ABCA10: variants seen among roughly 807,000 people sequenced by gnomAD.
The protein encoded by ABCA10 is ATP-binding cassette sub-family A member 10.
In ABCA10, 169 loss-of-function variants were observed where a neutral mutation model predicts 187.5. The ratio of observed to expected loss-of-function variants is 0.90; its 90% CI spans 0.80 to 1.02. The LOEUF is 1.02. Ranked by LOEUF, ABCA10 falls within the 50% of genes least tolerant of loss-of-function variation. The probability of loss-of-function intolerance (pLI) is 0.00; values close to 1 mark genes in which losing one functional copy is unlikely to be tolerated. For synonymous variants in ABCA10, 574 were observed against 601.8 expected, an observed-to-expected ratio of 0.95 and a Z score of 0.68; for missense variants, 1,727 against 1,812.4, an observed-to-expected ratio of 0.95 and a Z score of 0.86.
intron 18 of ABCA10, among the ~76,000 whole-genome samples, chr17:69,189,641 T>G (rs941450628): frequency 6.6e-6 from 1 of 152,184 alleles, no homozygotes; most frequent in African/African-American, 2.4e-5. Flanking sequence ...CTTCTCAGGT[T>G]TTTATAGTCT....
intron 1 of ABCA10, chr17:69,234,960 T>C (rs1450812706): frequency 1.3e-5 from 2 of 152,226 alleles, no homozygotes; most frequent in Non-Finnish European, 2.9e-5. Flanking sequence ...GAATTATCAA[T>C]TAAATTCTTA....
intron 3 of ABCA10, chr17:69,223,839 A>G (rs1279660096): frequency 1.1e-5 from 3 of 266,618 alleles, no homozygotes. Flanking sequence ...GGTAGCTGGA[A>G]TGAGATATTT....
chr17:69,218,467 G>A (rs1030093397), intron 6 of ABCA10, among the ~76,000 whole-genome samples: 66 of 151,704 alleles, frequency 4.4e-4, no homozygotes, highest in African/African-American at 1.5e-3. Context: ...CCTAGAACAC[G>A]GTAAAGTACT....
chr17:69,233,108 C>T (rs1232674849), upstream of ABCA10: 1 of 152,086 alleles, frequency 6.6e-6, no homozygotes, highest in Non-Finnish European at 1.5e-5. Flanking sequence ...ATATCTTTCT[C>T]CAGGTTTGGA....
At chr17:69,173,091 A>G (rs1323986915) in intron 25 of ABCA10, among the ~76,000 whole-genome samples, 2 of 152,216 alleles carry the variant, frequency 1.3e-5, no homozygotes, top group Admixed American at 1.3e-4. Flanking sequence ...GGATTAAATT[A>G]AAAAGTGAAA....
chr17:69,197,655 T>C (rs921835627), intron 10 of ABCA10, among the ~76,000 whole-genome samples: 2 of 152,238 alleles, frequency 1.3e-5, no homozygotes, highest in Admixed American at 1.3e-4. Context: ...TTTTAGTCCT[T>C]ATTTGATATA....
intron 1 of ABCA10, among the ~76,000 whole-genome samples, chr17:69,239,425 A>T (rs1205097773): frequency 6.6e-6 from 1 of 152,194 alleles, no homozygotes; most frequent in African/African-American, 2.4e-5. Flanking sequence ...AAGAAATCAG[A>T]TCAGGGGCCT....
At chr17:69,232,063 C>CT (rs377523968), upstream of ABCA10, among the ~76,000 whole-genome samples, 145 of 151,886 alleles carry the variant, frequency 9.5e-4, 2 homozygotes, top group African/African-American at 3.3e-3. Context: ...TACTCCTACT[C>CT]TTTTTTTTGT....
intron 5 of ABCA10, among the ~76,000 whole-genome samples, chr17:69,221,586 T>C (rs10775358): frequency 0.74 from 112,495 of 152,040 alleles, 42,060 homozygotes; most frequent in African/African-American, 0.81. Flanking sequence ...AAAGAGAATG[T>C]GTGTAGGGGG....
chr17:69,241,281 T>C (rs1182117876), intron 1 of ABCA10, among the ~76,000 whole-genome samples: 2 of 152,208 alleles, frequency 1.3e-5, no homozygotes, highest in Admixed American at 1.3e-4. Context: ...ACCTTCTCAA[T>C]ATTCAGAATT....
intron 9 of ABCA10, among the ~76,000 whole-genome samples, chr17:69,204,687 A>G (rs1327812951): frequency 2.0e-5 from 3 of 152,258 alleles, no homozygotes; most frequent in African/African-American, 7.2e-5. Context: ...GTTACATTTT[A>G]AATGGATAAG....
intron 3 of ABCA10, among the ~76,000 whole-genome samples, chr17:69,224,350 T>C (rs772045090): frequency 2.6e-5 from 4 of 152,052 alleles, no homozygotes; most frequent in Non-Finnish European, 4.4e-5. Context: ...AAGGATGAAA[T>C]GGCCAATGTT....
chr17:69,228,856 T>C (rs979178817), upstream of ABCA10: 1 of 152,020 alleles, frequency 6.6e-6, no homozygotes, highest in African/African-American at 2.4e-5. Context: ...TATTTGTTTA[T>C]TGCTCTTTTT....
chr17:69,197,186 G>C, intron 10 of ABCA10, 64 bp from the exon 11 acceptor site: 3 of 1,286,342 alleles, frequency 2.3e-6, no homozygotes, highest in Non-Finnish European at 3.3e-6. Flanking sequence ...ACAGATTACA[G>C]TTCATAACTA....
chr17:69,190,744 T>C (rs562450883), intron 17 of ABCA10, among the ~76,000 whole-genome samples: 25 of 152,038 alleles, frequency 1.6e-4, no homozygotes, highest in Non-Finnish European at 2.4e-4. Context: ...TATCTGTATG[T>C]CTATCTAAAA....
intron 20 of ABCA10, 102 bp from the exon 21 acceptor site, chr17:69,182,910 C>T (rs1453925761): frequency 4.3e-6 from 6 of 1,407,716 alleles, no homozygotes; most frequent in African/African-American, 2.9e-5. Flanking sequence ...TTAAGAAAAA[C>T]CCAGAATAGC....
chr17:69,202,356 G>A (rs1475592686), intron 9 of ABCA10, among the ~76,000 whole-genome samples: 1 of 152,152 alleles, frequency 6.6e-6, no homozygotes, highest in African/African-American at 2.4e-5. Flanking sequence ...TGAAAATAGT[G>A]AGTATATAAT....
chr17:69,206,883 C>T (rs2074596030), intron 9 of ABCA10, among the ~76,000 whole-genome samples: 1 of 151,844 alleles, frequency 6.6e-6, no homozygotes, highest in African/African-American at 2.4e-5. Context: ...GGATAGGACC[C>T]CAGAAGCATG....
chr17:69,157,227 G>T (rs893761672), intron 27 of ABCA10, among the ~76,000 whole-genome samples: 4 of 152,026 alleles, frequency 2.6e-5, no homozygotes, highest in African/African-American at 9.7e-5. Context: ...ATGAATACAG[G>T]AGATAGGTTT....
Sources: allele counts gnomAD v4.1 joint callset (sites outside exome capture counted in the v4.1 genomes callset), GRCh38; gene constraint gnomAD v4.1.1; transcripts MANE v1.5; gene names NCBI Gene and HGNC (gene_info 2026-07-23, HGNC 2026-07-21).